The following ZNF385D variants were observed in gnomAD, a reference collection of about 807,000 sequenced individuals.
ZNF385D encodes the protein zinc finger protein 385D.
Under a neutral mutation model 35.8 loss-of-function variants are expected in ZNF385D, and 15 were observed. The ratio of observed to expected loss-of-function variants is 0.42; its 90% confidence interval spans 0.28 to 0.64. The LOEUF is 0.64. Among genes scored for constraint, ZNF385D ranks in the 30% least tolerant of loss-of-function variants. The pLI is 0.23. For missense variants in ZNF385D, 474 were observed against 494.6 expected (o/e 0.96, Z 0.39); for synonymous variants, 212 against 186.8 (o/e 1.13, Z -1.10).
At chr3:22,093,727 G>A (rs1576307530) in intron 3 of ZNF385D, among the ~76,000 whole-genome samples, 1 of 151,730 alleles carries the variant, frequency 6.6e-6, no homozygotes, top group Admixed American at 6.6e-5. Context: ...TATTTTTTCA[G>A]GGATTAATAA....
chr3:21,688,117 T>G (rs368624228), intron 1 of ZNF385D, among the ~76,000 whole-genome samples: 96 of 152,236 alleles, frequency 6.3e-4, no homozygotes, highest in African/African-American at 2.2e-3. Flanking sequence ...GTGTCTCTAC[T>G]ATTATTTTTG....
chr3:22,270,852 T>C (rs771798718), intron 2 of ZNF385D, among the ~76,000 whole-genome samples: 32 of 152,070 alleles, frequency 2.1e-4, no homozygotes, highest in Non-Finnish European at 2.5e-4. Flanking sequence ...TTTCTTTCTC[T>C]AATCTGAAAT....
In ZNF385D at chr3:21,621,288, A is replaced by T. The variant is rs115301500; in HGVS notation, c.165+43598T>A. Reference sequence around the variant, plus strand: ...ACAGCTGTACTGCAAGCTAAGTTCTAAGTCCTATTAAAGTAAATGGAATTA... The same window carrying T: ...ACAGCTGTACTGCAAGCTAAGTTCTTAGTCCTATTAAAGTAAATGGAATTA... On this transcript the variant is annotated intron_variant, in intron 2 of 7. Coordinates refer to ENST00000281523, the MANE Select transcript of ZNF385D (RefSeq NM_024697.3). Among the ~76,000 whole-genome samples, 884 of 152,246 alleles carry T rather than the reference A, an allele frequency of 5.8e-3. 13 individuals carry two copies. The highest frequency in any genetic ancestry group is 0.021 in the African/African-American group (860 of 41,542).
At chr3:21,956,220 GA>G (rs1002029946) in intron 3 of ZNF385D, among the ~76,000 whole-genome samples, 1 of 151,250 alleles carries the variant, frequency 6.6e-6, no homozygotes, top group Non-Finnish European at 1.5e-5. Flanking sequence ...GTGAAAGAAA[GA>G]AAGAAAAGAA....
At chr3:21,792,530 T>C (rs1376418868) in intron 3 of ZNF385D, among the ~76,000 whole-genome samples, 1 of 152,166 alleles carries the variant, frequency 6.6e-6, no homozygotes, top group Admixed American at 6.5e-5. Flanking sequence ...CTAAAATAGT[T>C]AGTAGCTGGC....
At position 22,279,586 on chromosome 3, in the gene ZNF385D, A is replaced by G. The variant is rs139390663; in HGVS notation, c.106+92864T>C. ...TACATATATATGTATATACATATAC[A>G]TATGTACATATATATGTATATACAT... On this transcript the variant is annotated intron_variant, in intron 2 of 5. Coordinates refer to the ZNF385D transcript ENST00000494108. Among the ~76,000 whole-genome samples, 185 of 138,884 alleles carry G rather than the reference A, an allele frequency of 1.3e-3. 3 individuals carry two copies. Among genetic ancestry groups the G allele is most frequent in the East Asian group, 6.8e-3 (34 of 4,964 alleles). The allele number at this position is 138,884 out of a possible 152,430, so 91.1% of individuals were successfully genotyped here. A position where few individuals can be genotyped will look rare whatever the true frequency, so the allele number is the denominator to read the frequency against.
intron 3 of ZNF385D, among the ~76,000 whole-genome samples, chr3:21,965,397 A>G (rs1369994300): frequency 1.3e-5 from 2 of 152,216 alleles, no homozygotes; most frequent in African/African-American, 2.4e-5. Flanking sequence ...AGACAGATAC[A>G]TTTCCTAGAC....
At chr3:22,298,095 A>C (rs1348865325) in intron 2 of ZNF385D, among the ~76,000 whole-genome samples, 2 of 151,990 alleles carry the variant, frequency 1.3e-5, no homozygotes, top group Non-Finnish European at 2.9e-5. Context: ...ATTTATTTAA[A>C]CAGGCATATA....
chr3:22,123,090 A>G (rs1376708084), intron 3 of ZNF385D, among the ~76,000 whole-genome samples: 1 of 152,172 alleles, frequency 6.6e-6, no homozygotes, highest in African/African-American at 2.4e-5. Flanking sequence ...CTGTTCTGAT[A>G]GAAACACTCT....
chr3:21,489,600 C>T (rs1276618895), intron 4 of ZNF385D, among the ~76,000 whole-genome samples: 2 of 152,116 alleles, frequency 1.3e-5, no homozygotes, highest in African/African-American at 4.8e-5. Flanking sequence ...GTCAAACCAA[C>T]CAATTGATGC....
chr3:21,886,880 C>T (rs1415645927), intron 3 of ZNF385D, among the ~76,000 whole-genome samples: 1 of 152,060 alleles, frequency 6.6e-6, no homozygotes, highest in Non-Finnish European at 1.5e-5. Flanking sequence ...ATCAGCAGTG[C>T]CCCCGTGGGT....
intron 2 of ZNF385D, among the ~76,000 whole-genome samples, chr3:21,614,526 AG>A (rs1232733973): frequency 3.9e-5 from 6 of 152,184 alleles, no homozygotes; most frequent in Non-Finnish European, 8.8e-5. Flanking sequence ...ATGAGCATGG[AG>A]GAACATGGAT....
At chr3:22,206,384 T>A (rs939647359) in intron 2 of ZNF385D, among the ~76,000 whole-genome samples, 3 of 151,630 alleles carry the variant, frequency 2.0e-5, no homozygotes, top group African/African-American at 7.3e-5. Flanking sequence ...AAACAAAGGA[T>A]CAACAAAGAA....
intron 3 of ZNF385D, among the ~76,000 whole-genome samples, chr3:21,874,482 G>T (rs922925552): frequency 6.6e-6 from 1 of 151,816 alleles, no homozygotes; most frequent in Admixed American, 6.6e-5. Flanking sequence ...TGCTTTACTT[G>T]GTATGCAAAA....
chr3:21,502,264 T>C (rs936198133), intron 4 of ZNF385D, among the ~76,000 whole-genome samples: 1 of 152,224 alleles, frequency 6.6e-6, no homozygotes, highest in African/African-American at 2.4e-5. Context: ...ACAGACTTTG[T>C]CACAGGTTAT....
rs199660410 is a variant in ZNF385D, at chr3:21,670,650, GCCCCCCCCCCCCCCC to G, written c.23-5637_23-5623del. On this transcript the variant is annotated intron_variant, in intron 1 of 7. Transcript: ENST00000281523. Reference sequence around the variant, plus strand: ...AGAAATAAAAATGAAATCCTAAGGCGCCCCCCCCCCCCCCCCCCCCCCCAATGACTGAACGAATCC... The same window carrying G: ...AGAAATAAAAATGAAATCCTAAGGCGCCCCCCCCAATGACTGAACGAATCC... Among the ~76,000 whole-genome samples, 3 of 4,044 alleles carry G rather than the reference GCCCCCCCCCCCCCCC, an allele frequency of 7.4e-4. 1 individual carries two copies. Among genetic ancestry groups the G allele is most frequent in the East Asian group, 0.022 (2 of 90 alleles). 2.7% of individuals were successfully genotyped at this position (4,044 alleles called of 152,430 possible).
At chr3:21,681,453 T>C (rs967741922) in intron 1 of ZNF385D, among the ~76,000 whole-genome samples, 1 of 151,696 alleles carries the variant, frequency 6.6e-6, no homozygotes, top group African/African-American at 2.4e-5. Flanking sequence ...TAATGAGATA[T>C]TTCAGATAAG....
chr3:22,288,470 T>C (rs887669618), intron 2 of ZNF385D, among the ~76,000 whole-genome samples: 3 of 152,062 alleles, frequency 2.0e-5, no homozygotes, highest in Admixed American at 6.6e-5. Flanking sequence ...TGATTTCCAG[T>C]GACCTGTCTT....
At chr3:22,347,103 C>G (rs1695693115) in intron 2 of ZNF385D, among the ~76,000 whole-genome samples, 1 of 152,102 alleles carries the variant, frequency 6.6e-6, no homozygotes, top group African/African-American at 2.4e-5. Context: ...AAGAGAGAGA[C>G]ACATATTTTG....
Sources: allele counts gnomAD v4.1 joint callset (sites outside exome capture counted in the v4.1 genomes callset), GRCh38; gene constraint gnomAD v4.1.1; transcripts MANE v1.5; gene names NCBI Gene and HGNC (gene_info 2026-07-23, HGNC 2026-07-21).